OR7A17: variants seen among roughly 807,000 people sequenced by gnomAD.
OR7A17 encodes olfactory receptor family 7 subfamily A member 17.
For missense variants in OR7A17, 366 were observed against 365.5 expected (o/e 1.00, Z -0.01); for synonymous variants, 159 against 142.1 (o/e 1.12, Z -0.85).
chr19:14,883,448 G>GA lies in OR7A17; in HGVS notation c.-294-1578dup, dbSNP rs780469032. The stretch of plus-strand genomic sequence containing the variant: ...AGAGCGAAACTCTGTCTCAAAAAAA[G>GA]AAAAAAAAAAAGAAAAAAATCCTGC... On this transcript the variant is annotated intron_variant, in intron 1 of 2. Transcript: ENST00000641113. Among the ~76,000 whole-genome samples the GA allele has an allele frequency of 9.4e-3, 1,287 of 137,606 alleles. 11 individuals carry two copies. Among genetic ancestry groups the GA allele is most frequent in the African/African-American group, 0.023 (884 of 37,630 alleles). The allele number at this position is 137,606 out of a possible 152,430, so 90.3% of individuals were successfully genotyped here.
At position 14,880,301 on chromosome 19, in the gene OR7A17, A is replaced by G; in HGVS notation, c.*125T>C. On this transcript the variant is annotated 3_prime_UTR_variant, in exon 3 of 3. Coordinates refer to ENST00000641113, the MANE Select transcript of OR7A17 (RefSeq NM_030901.2). ...TTCTATGTCAGTTGAGATCAAAGAA[A>G]TTGAAACTCTGAGAAAAAATAGAAG... 1 of 748,922 alleles carries G rather than the reference A, an allele frequency of 1.3e-6. No individual in the cohort carries two copies. Among genetic ancestry groups the G allele is most frequent in the Non-Finnish European group, 2.1e-6 (1 of 477,262 alleles). The allele number at this position is 748,922 out of a possible 1,614,324, so 46.4% of individuals were successfully genotyped here. A position where few individuals can be genotyped will look rare whatever the true frequency, so the allele number is the denominator to read the frequency against.
In OR7A17 at chr19:14,880,427, T is replaced by A. The variant is rs1313216545; in HGVS notation, c.929A>T (p.Ter310LeuextTer28). 6.3e-7 allele frequency: 1 copy of A among 1,575,600 alleles called. No individual in the cohort carries two copies. The highest frequency in any genetic ancestry group is 8.6e-7 in the Non-Finnish European group (1 of 1,161,508). ...GTTATTTCTTGAAAAATGGCCCTTT[T>A]ATTGCTTTCCTCTGAAGGACATTTT... Reference protein sequence around the residue: ...ALKMSFRGKQ* With the variant: ...ALKMSFRGKQL Residue 310 changes from the stop codon to leucine, a stop_lost, in exon 3 of 3, where the codon TAA becomes TTA. Transcript: ENST00000641113.
At chr19:14,882,263 C>G (rs1361529238) in intron 1 of OR7A17, among the ~76,000 whole-genome samples, 1 of 152,086 alleles carries the variant, frequency 6.6e-6, no homozygotes, top group Non-Finnish European at 1.5e-5. Context: ...ATAACGGGAA[C>G]AAATACATAT....
At chr19:14,884,389 G>C (rs2045126917) in intron 1 of OR7A17, among the ~76,000 whole-genome samples, 2 of 152,130 alleles carry the variant, frequency 1.3e-5, no homozygotes, top group South Asian at 4.1e-4. Context: ...CCAGGATTTT[G>C]AGAACAGCCG....
At position 14,881,391 on chromosome 19, in the gene OR7A17, T is replaced by TATTTATTC; in HGVS notation, c.-37_-36insGAATAAAT. Reference sequence around the variant, plus strand: ...CTATTTATTTATTTATTTATTTATTTATTTATTTATTTATTAACATAGACA... The same window carrying TATTTATTC: ...CTATTTATTTATTTATTTATTTATTTATTTATTCATTTATTTATTTATTAACATAGACA... On this transcript the variant is annotated 5_prime_UTR_variant, in exon 3 of 3. It adds an upstream start codon to the 5' untranslated region. Transcript: ENST00000641113. 1 of 1,161,260 alleles carries TATTTATTC rather than the reference T, an allele frequency of 8.6e-7. No individual in the cohort carries two copies. The highest frequency in any genetic ancestry group is 1.1e-6 in the Non-Finnish European group (1 of 902,830). The allele number at this position is 1,161,260 out of a possible 1,614,324, so 71.9% of individuals were successfully genotyped here. A position where few individuals can be genotyped will look rare whatever the true frequency, so the allele number is the denominator to read the frequency against.
rs143134643 is a variant in OR7A17 at position 14,885,352 on chromosome 19, T to A, written c.-295+589A>T. Reference sequence around the variant, plus strand: ...AAGTCAAATTGTCTCTGTTTGCAGATGACATGATTGTATATTTAGGAAACC... The same window carrying A: ...AAGTCAAATTGTCTCTGTTTGCAGAAGACATGATTGTATATTTAGGAAACC... On this transcript the variant is annotated intron_variant, in intron 1 of 2. Transcript: ENST00000641113. Among the ~76,000 whole-genome samples the A allele has an allele frequency of 8.7e-3, 1,320 of 152,276 alleles. 29 individuals are homozygous for A. The highest frequency in any genetic ancestry group is 0.03 in the African/African-American group (1,267 of 41,546).
In OR7A17 at chr19:14,880,065, A is replaced by G. The variant is rs114527477; in HGVS notation, c.*361T>C. On this transcript the variant is annotated 3_prime_UTR_variant, in exon 3 of 3. Transcript: ENST00000641113. ...GTCTTCTCAGATATTTATCTAAAATAAAATTATATTAATGACCTTATGGCT... is the reference window on the plus strand; with the variant it reads ...GTCTTCTCAGATATTTATCTAAAATGAAATTATATTAATGACCTTATGGCT... The G allele has an allele frequency of 0.015, 2,351 of 157,350 alleles. 58 individuals carry two copies. Among genetic ancestry groups the G allele is most frequent in the African/African-American group, 0.054 (2,246 of 41,748 alleles). 9.7% of individuals were successfully genotyped at this position (157,350 alleles called of 1,614,324 possible).
At chr19:14,883,213 G>A (rs1264739228) in intron 1 of OR7A17, among the ~76,000 whole-genome samples, 2 of 152,206 alleles carry the variant, frequency 1.3e-5, no homozygotes, top group Non-Finnish European at 2.9e-5. Context: ...GCTGAGGTGG[G>A]TAGATCAATT....
Position 14,881,364 on chromosome 19 carries a change from T to TCCTA in OR7A17, c.-10_-9insTAGG, listed in dbSNP as rs897968479. ...TCATTCTCTGGTTCCATCTTTTTTT[T>TCCTA]TCTATTTATTTATTTATTTATTTAT... On this transcript the variant is annotated 5_prime_UTR_variant, in exon 3 of 3. Coordinates refer to ENST00000641113, the MANE Select transcript of OR7A17 (RefSeq NM_030901.2). The TCCTA allele has an allele frequency of 1.6e-5, 18 of 1,151,292 alleles. No individual in the cohort carries two copies. The African/African-American group carries it at 2.3e-4, about 14-fold the overall frequency. The allele number at this position is 1,151,292 out of a possible 1,614,324, so 71.3% of individuals were successfully genotyped here. A position where few individuals can be genotyped will look rare whatever the true frequency, so the allele number is the denominator to read the frequency against.
rs371427596 is a variant in OR7A17 at position 14,881,333 on chromosome 19, C to T, written c.23G>A (p.Gly8Glu). Residue 8 changes from glycine to glutamate, a missense_variant, in exon 3 of 3, where the codon GGG becomes GAG. Gly to Glu is a moderately conservative substitution (Grantham distance 98). Coordinates refer to ENST00000641113, the MANE Select transcript of OR7A17 (RefSeq NM_030901.2). MEPENDTGISEFVLLGLS... is the reference protein window; with the variant it reads MEPENDTEISEFVLLGLS... The stretch of plus-strand genomic sequence containing the variant: ...TCCCAGAAGAACAAATTCTGAAATC[C>T]CTGTGTCATTCTCTGGTTCCATCTT... 3.3e-5 allele frequency: 51 copies of T among 1,525,840 alleles called. No individual in the cohort carries two copies. Among genetic ancestry groups the T allele is most frequent in the Non-Finnish European group, 4.3e-5 (49 of 1,135,258 alleles). The allele number at this position is 1,525,840 out of a possible 1,614,324, so 94.5% of individuals were successfully genotyped here. A position where few individuals can be genotyped will look rare whatever the true frequency, so the allele number is the denominator to read the frequency against.
rs370042556 is a variant in OR7A17 at position 14,880,654 on chromosome 19, C to A, written c.702G>T (p.Lys234Asn). ...ATGCACAGGTGGAAAATGCCTTGTA[C>A]TTCCCCTGAGCTGATGAGATTGCAC... is the stretch of plus-strand genomic sequence containing the variant. The part of the protein sequence containing the change: ...SIRAISSAQG[K>N]YKAFSTCASH... The change falls in exon 3 of 3, where the codon AAG (lysine) becomes AAT (asparagine). Residue 234 changes from lysine to asparagine, a missense_variant. Lys to Asn is a moderately conservative substitution (Grantham distance 94). Transcript: ENST00000641113. The A allele has an allele frequency of 6.2e-7, 1 of 1,614,166 alleles. No homozygotes were observed. The highest frequency in any genetic ancestry group is 8.5e-7 in the Non-Finnish European group (1 of 1,180,026).
chr19:14,881,177 T>C lies in OR7A17; in HGVS notation c.179A>G (p.Tyr60Cys), dbSNP rs752880038. Residue 60 changes from tyrosine to cysteine, a missense_variant, in exon 3 of 3, where the codon TAC becomes TGC. By Grantham distance (194) the Tyr-to-Cys change is radical. Coordinates refer to ENST00000641113, the MANE Select transcript of OR7A17 (RefSeq NM_030901.2). ...AAAGGACAGGTTGGAGAGGAAGAAG[T>C]ACATGGGGGTGTGGAGGTGGGAGTC... ...ISDSHLHTPM[Y>C]FFLSNLSFAD... 6.2e-7 allele frequency: 1 copy of C among 1,613,974 alleles called. No homozygotes were observed. Among genetic ancestry groups the C allele is most frequent in the East Asian group, 2.2e-5 (1 of 44,874 alleles).
In OR7A17 at chr19:14,881,077, G is replaced by T. The variant is rs758680838; in HGVS notation, c.279C>A (p.Thr93=). The change falls in exon 3 of 3, where the codon ACC becomes ACA. Residue 93 remains threonine (T), a synonymous_variant. Coordinates refer to ENST00000641113, the MANE Select transcript of OR7A17 (RefSeq NM_030901.2). ...INIQTQSRVI[T]YAGCITQMCF... is the part of the protein sequence containing the mutation. The stretch of plus-strand genomic sequence containing the variant: ...ACATCTGGGTGATGCAGCCTGCATA[G>T]GTGATGACTCTGCTCTGTGTCTGGA... 6.2e-7 allele frequency: 1 copy of T among 1,614,222 alleles called. No homozygotes were observed. Among genetic ancestry groups the T allele is most frequent in the East Asian group, 2.2e-5 (1 of 44,884 alleles).
At position 14,878,806 on chromosome 19, in the gene OR7A17, G is replaced by C. The variant is rs1267813526; in HGVS notation, c.*1620C>G. On this transcript the variant is annotated 3_prime_UTR_variant, in exon 3 of 3. Transcript: ENST00000641113. ...TTCTCCTGCCTCAGCCTCCTGAGTA[G>C]CTGGGATTACAGGCATGTGCCACCA... The C allele has an allele frequency of 6.6e-6, 1 of 152,104 alleles. No individual in the cohort carries two copies. Among genetic ancestry groups the C allele is most frequent in the Non-Finnish European group, 1.5e-5 (1 of 68,066 alleles). 9.4% of individuals were successfully genotyped at this position (152,104 alleles called of 1,614,324 possible).
rs903037575 is a variant in OR7A17 at position 14,881,757 on chromosome 19, A to G, written c.-197+17T>C. On this transcript the variant is annotated intron_variant, in intron 2 of 2. Coordinates refer to ENST00000641113, the MANE Select transcript of OR7A17 (RefSeq NM_030901.2). ...ATTGTGGATTGGCTAAATCTAGCCAATTAACATTAGTATTACCTCATATAG... is the reference window on the plus strand; with the variant it reads ...ATTGTGGATTGGCTAAATCTAGCCAGTTAACATTAGTATTACCTCATATAG... 6.6e-5 allele frequency: 10 copies of G among 152,554 alleles called. No homozygotes were observed. The highest frequency in any genetic ancestry group is 2.4e-4 in the African/African-American group (10 of 41,454). 9.5% of individuals were successfully genotyped at this position (152,554 alleles called of 1,614,324 possible).
At chr19:14,883,460 GA>G (rs1218933626) in intron 1 of OR7A17, among the ~76,000 whole-genome samples, 5 of 151,308 alleles carry the variant, frequency 3.3e-5, no homozygotes, top group Admixed American at 6.6e-5. Flanking sequence ...AAAAAAAAAA[GA>G]AAAAAATCCT....
chr19:14,884,867 A>C (rs1057142284), intron 1 of OR7A17: 2 of 152,358 alleles, frequency 1.3e-5, no homozygotes, highest in South Asian at 4.1e-4. Context: ...CATCAATGTG[A>C]AAATCCTCAG....
chr19:14,881,341 A>G lies in OR7A17; in HGVS notation c.15T>C (p.Asn5=). The change falls in exon 3 of 3, where the codon AAT becomes AAC. Residue 5 remains asparagine (N), a synonymous_variant. Transcript: ENST00000641113. ...GAACAAATTCTGAAATCCCTGTGTCATTCTCTGGTTCCATCTTTTTTTTTC... is the reference window on the plus strand; with the variant it reads ...GAACAAATTCTGAAATCCCTGTGTCGTTCTCTGGTTCCATCTTTTTTTTTC... The part of the protein sequence containing the change: MEPE[N]DTGISEFVLL... 2 of 1,473,398 alleles carry G rather than the reference A, an allele frequency of 1.4e-6. No homozygotes were observed. The highest frequency in any genetic ancestry group is 9.0e-7 in the Non-Finnish European group (1 of 1,109,632). 91.3% of individuals were successfully genotyped at this position (1,473,398 alleles called of 1,614,324 possible). A position where few individuals can be genotyped will look rare whatever the true frequency, so the allele number is the denominator to read the frequency against.
Position 14,879,184 on chromosome 19 carries a change from C to A in OR7A17, c.*1242G>T, listed in dbSNP as rs1444743078. ...ATATTCTTTCAGGTGTTTTTGTAAT[C>A]TAAGTCCAGATGAAATCAATTGATT... On this transcript the variant is annotated 3_prime_UTR_variant, in exon 3 of 3. Transcript: ENST00000641113. 1 of 151,936 alleles carries A rather than the reference C, an allele frequency of 6.6e-6. No homozygotes were observed. Among genetic ancestry groups the A allele is most frequent in the Non-Finnish European group, 1.5e-5 (1 of 68,008 alleles). The allele number at this position is 151,936 out of a possible 1,614,324, so 9.4% of individuals were successfully genotyped here.
Sources: gnomAD v4.1 joint callset for allele counts (sites outside exome capture counted in the v4.1 genomes callset) on GRCh38, gnomAD v4.1.1 for gene constraint, MANE v1.5 for transcripts, NCBI Gene and HGNC (gene_info 2026-07-23, HGNC 2026-07-21) for gene names.